The following CPN1 variants were observed in gnomAD, a reference collection of about 807,000 sequenced individuals.
The protein encoded by CPN1 is carboxypeptidase N subunit 1.
A neutral mutation model predicts 46.4 loss-of-function variants in CPN1; 37 were observed. That is an observed-to-expected ratio of 0.80 (90% confidence interval 0.61 to 1.05). The LOEUF is 1.05. Among genes scored for constraint, CPN1 ranks in the 50% least tolerant of loss-of-function variants. CPN1 has a pLI of 0.00. For missense variants in CPN1, 563 were observed against 602.6 expected, an observed-to-expected ratio of 0.93 and a Z score of 0.69; for synonymous variants, 224 against 235.4, an observed-to-expected ratio of 0.95 and a Z score of 0.44.
At chr10:100,071,287 T>C (rs2041483221) in intron 2 of CPN1, among the ~76,000 whole-genome samples, 1 of 152,210 alleles carries the variant, frequency 6.6e-6, no homozygotes, top group Non-Finnish European at 1.5e-5. Flanking sequence ...AACAGCAATT[T>C]ATTCTCCAAT....
At chr10:100,057,989 C>T (rs148915352) in intron 5 of CPN1, among the ~76,000 whole-genome samples, 481 of 152,220 alleles carry the variant, frequency 3.2e-3, no homozygotes, top group Middle Eastern at 0.01. Context: ...TTGGAAACAT[C>T]CAGCACCCCC....
At chr10:100,050,687 C>T (rs1007923952) in intron 7 of CPN1, among the ~76,000 whole-genome samples, 2 of 152,132 alleles carry the variant, frequency 1.3e-5, no homozygotes, top group African/African-American at 4.8e-5. Flanking sequence ...TGCAGTGGTG[C>T]TATCATAGCT....
At chr10:100,063,342 C>T (rs1427634350) in intron 5 of CPN1, among the ~76,000 whole-genome samples, 1 of 151,588 alleles carries the variant, frequency 6.6e-6, no homozygotes, top group African/African-American at 2.4e-5. Context: ...AGGATGGTCT[C>T]GATCTCCTGA....
chr10:100,065,771 T>C (rs898016212), intron 3 of CPN1, among the ~76,000 whole-genome samples: 6 of 151,352 alleles, frequency 4.0e-5, no homozygotes, highest in African/African-American at 1.5e-4. Flanking sequence ...TGAGTTAAGG[T>C]AGGTTCATGA....
At chr10:100,046,264 C>G (rs1309591964) in intron 8 of CPN1, among the ~76,000 whole-genome samples, 1 of 152,230 alleles carries the variant, frequency 6.6e-6, no homozygotes, top group Non-Finnish European at 1.5e-5. Context: ...AGCCCGCTGC[C>G]TTCTCTGTAA....
chr10:100,078,265 G>C (rs1235220349), intron 1 of CPN1, among the ~76,000 whole-genome samples: 2 of 152,132 alleles, frequency 1.3e-5, no homozygotes, highest in African/African-American at 2.4e-5. Flanking sequence ...ATGTTGTCCA[G>C]ACTGGTCTGA....
chr10:100,047,793 C>A (rs2041323792), intron 8 of CPN1, among the ~76,000 whole-genome samples: 1 of 151,254 alleles, frequency 6.6e-6, no homozygotes, highest in South Asian at 2.1e-4. Flanking sequence ...CGAGACCAGC[C>A]TGACCAACAT....
At chr10:100,067,035 C>G (rs955439783) in intron 3 of CPN1, among the ~76,000 whole-genome samples, 1 of 152,138 alleles carries the variant, frequency 6.6e-6, no homozygotes, top group Non-Finnish European at 1.5e-5. Flanking sequence ...ATTCAATTAC[C>G]TTATTTTACT....
In CPN1 at chr10:100,069,700, A is replaced by G; in HGVS notation, c.576+14T>C. 1.2e-6 allele frequency: 2 copies of G among 1,613,648 alleles called. No individual in the cohort carries two copies. The highest frequency in any genetic ancestry group is 1.7e-6 in the Non-Finnish European group (2 of 1,179,960). On this transcript the variant is annotated intron_variant, in intron 3 of 8. Transcript: ENST00000370418. Reference sequence around the variant, plus strand: ...GCTGATTTACCTGCTTTGTTTGCAAATTTCATCTCCTACCTGACTTTTCCA... The same window carrying G: ...GCTGATTTACCTGCTTTGTTTGCAAGTTTCATCTCCTACCTGACTTTTCCA...
chr10:100,052,732 T>C (rs971150165), intron 7 of CPN1, among the ~76,000 whole-genome samples: 1 of 151,968 alleles, frequency 6.6e-6, no homozygotes, highest in East Asian at 1.9e-4. Context: ...ATAAAAAAAT[T>C]AGCTGAGCAT....
intron 5 of CPN1, among the ~76,000 whole-genome samples, chr10:100,060,153 T>A (rs2041408573): frequency 6.6e-6 from 1 of 152,170 alleles, no homozygotes; most frequent in Admixed American, 6.6e-5. Context: ...TGAAAAGAGT[T>A]CTGGAGATGA....
intron 5 of CPN1, among the ~76,000 whole-genome samples, chr10:100,060,485 C>T (rs766321087): frequency 1.3e-5 from 2 of 151,996 alleles, no homozygotes; most frequent in Admixed American, 6.6e-5. Context: ...TCGCTTGAGC[C>T]GGGAGGCAGA....
chr10:100,068,455 C>T (rs1032988097), intron 3 of CPN1, among the ~76,000 whole-genome samples: 3 of 151,912 alleles, frequency 2.0e-5, no homozygotes, highest in Non-Finnish European at 2.9e-5. Flanking sequence ...CCTCGTGATC[C>T]GCCCGCCTCG....
At chr10:100,067,267 C>T (rs948651016) in intron 3 of CPN1, among the ~76,000 whole-genome samples, 5 of 152,114 alleles carry the variant, frequency 3.3e-5, no homozygotes, top group Non-Finnish European at 1.5e-5. Context: ...TAGGCGCCCA[C>T]CACCACAGCT....
intron 8 of CPN1, among the ~76,000 whole-genome samples, chr10:100,048,475 A>C (rs892624540): frequency 6.6e-6 from 1 of 152,216 alleles, no homozygotes; most frequent in African/African-American, 2.4e-5. Context: ...AGGCAGGCAG[A>C]TCACTTGAGC....
At chr10:100,063,401 G>A (rs561953817) in intron 5 of CPN1, among the ~76,000 whole-genome samples, 8 of 152,236 alleles carry the variant, frequency 5.3e-5, no homozygotes, top group South Asian at 2.1e-4. Flanking sequence ...GATAACAGGC[G>A]TGAGCCACTG....
intron 2 of CPN1, among the ~76,000 whole-genome samples, chr10:100,072,266 C>T (rs2041490154): frequency 6.6e-6 from 1 of 152,112 alleles, no homozygotes; most frequent in Admixed American, 6.6e-5. Flanking sequence ...GCCTCAACCT[C>T]CTGGGCTCAG....
rs760268317 is a variant in CPN1 at position 100,065,362 on chromosome 10, G to A, written c.585C>T (p.Pro195=). The A allele has an allele frequency of 1.2e-6, 2 of 1,614,142 alleles. No individual in the cohort carries two copies. Among genetic ancestry groups the A allele is most frequent in the South Asian group, 1.1e-5 (1 of 91,070 alleles). ...TCCACCGGATCACCGCCCGGGTCTC[G>A]GGTTCCACCTGGGAGGAGGCGAGAG... ...LPDNWKSQVE[P]ETRAVIRWMH... is the part of the protein sequence containing the mutation. The change falls in exon 4 of 9, where the codon CCC becomes CCT. Residue 195 remains proline (P), a synonymous_variant. Coordinates refer to ENST00000370418, the MANE Select transcript of CPN1 (RefSeq NM_001308.3).
intron 7 of CPN1, among the ~76,000 whole-genome samples, chr10:100,051,003 C>A (rs1021574769): frequency 6.6e-6 from 1 of 151,972 alleles, no homozygotes; most frequent in African/African-American, 2.4e-5. Flanking sequence ...CCAGCCTGGG[C>A]GACAGAGCGA....
Sources: gnomAD v4.1 joint callset for allele counts (sites outside exome capture counted in the v4.1 genomes callset) on GRCh38, gnomAD v4.1.1 for gene constraint, MANE v1.5 for transcripts, NCBI Gene and HGNC (gene_info 2026-07-23, HGNC 2026-07-21) for gene names.